OTOGL: variants seen among roughly 807,000 people sequenced by gnomAD.
OTOGL encodes otogelin-like protein.
Under a neutral mutation model 318.5 loss-of-function variants are expected in OTOGL, and 285 were observed. The observed-to-expected ratio is 0.89, with a 90% CI of 0.81 to 0.99. The LOEUF is 0.99. OTOGL is among the 50% of genes least tolerant of loss of function. The pLI is 0.00. For missense variants in OTOGL, 2,899 were observed against 2,845.6 expected (o/e 1.02, Z -0.43); for synonymous variants, 987 against 936.5 (o/e 1.05, Z -0.99).
chr12:80,204,539 T>G (rs1876680560), intron 1 of OTOGL, among the ~76,000 whole-genome samples: 1 of 152,124 alleles, frequency 6.6e-6, no homozygotes, highest in Non-Finnish European at 1.5e-5. Context: ...AAGTTGTAAT[T>G]AAGTTGAAAA....
chr12:80,171,295 G>C (rs1874190556), intron 1 of OTOGL, among the ~76,000 whole-genome samples: 1 of 152,020 alleles, frequency 6.6e-6, no homozygotes, highest in Non-Finnish European at 1.5e-5. Flanking sequence ...GCCCAGGCTG[G>C]TCTCAAACTC....
At chr12:80,179,594 CA>C (rs1874778038) in intron 1 of OTOGL, among the ~76,000 whole-genome samples, 1 of 152,108 alleles carries the variant, frequency 6.6e-6, no homozygotes, top group African/African-American at 2.4e-5. Flanking sequence ...AAGAGATTCC[CA>C]GGGTTCTTTA....
intron 26 of OTOGL, among the ~76,000 whole-genome samples, chr12:80,281,224 G>T (rs995621339): frequency 2.0e-4 from 31 of 151,634 alleles, no homozygotes; most frequent in African/African-American, 6.8e-4. Context: ...AGGACTTCCA[G>T]TACTATGTTG....
Position 80,318,595 on chromosome 12 carries a change from T to C in OTOGL, c.3684T>C (p.Leu1228=). The C allele has an allele frequency of 6.9e-7, 1 of 1,446,500 alleles. No individual in the cohort carries two copies. Among genetic ancestry groups the C allele is most frequent in the Non-Finnish European group, 9.1e-7 (1 of 1,100,754 alleles). The allele number at this position is 1,446,500 out of a possible 1,614,324, so 89.6% of individuals were successfully genotyped here. The stretch of plus-strand genomic sequence containing the variant: ...TGGCAAGCTATGGGCAGAGTGGCCT[T>C]GTTCTGGGGGCCAATATGACCAGCA... The part of the protein sequence containing the change: ...YMLASYGQSG[L]VLGANMTSRS... The change falls in exon 33 of 59, where the codon CTT becomes CTC. Residue 1228 remains leucine (L), a synonymous_variant. Coordinates refer to ENST00000547103, the MANE Select transcript of OTOGL (RefSeq NM_001378609.3).
At chr12:80,240,800 A>T (rs1441728183) in intron 11 of OTOGL, among the ~76,000 whole-genome samples, 1 of 152,110 alleles carries the variant, frequency 6.6e-6, no homozygotes, top group African/African-American at 2.4e-5. Flanking sequence ...AGGTGGTTGC[A>T]TAAGCAACAA....
At chr12:80,331,656 T>C (rs1375119849) in intron 37 of OTOGL, among the ~76,000 whole-genome samples, 1 of 152,072 alleles carries the variant, frequency 6.6e-6, no homozygotes, top group East Asian at 1.9e-4. Flanking sequence ...ATTAAAAGTT[T>C]TTAAAATGTC....
At position 80,271,760 on chromosome 12, in the gene OTOGL, C is replaced by T. The variant is rs1883427894; in HGVS notation, c.2631C>T (p.Phe877=). ...ETTCANLAMN[F]TCTPSSPCIS... ...CATGTGCAAACCTAGCCATGAACTT[C>T]ACCTGCACCCCATCCTCACCCTGTA... Residue 877 remains phenylalanine (F), a synonymous_variant, in exon 24 of 59, where the codon TTC becomes TTT. Transcript: ENST00000547103. 2 of 1,613,102 alleles carry T rather than the reference C, an allele frequency of 1.2e-6. No homozygotes were observed. Among genetic ancestry groups the T allele is most frequent in the African/African-American group, 1.3e-5 (1 of 74,852 alleles).
chr12:80,124,635 G>A (rs1344863161), intron 1 of OTOGL, among the ~76,000 whole-genome samples: 1 of 152,130 alleles, frequency 6.6e-6, no homozygotes, highest in Non-Finnish European at 1.5e-5. Flanking sequence ...GGGCAATACG[G>A]CCATTTTCAT....
intron 1 of OTOGL, among the ~76,000 whole-genome samples, chr12:80,144,602 C>G (rs893570942): frequency 7.2e-5 from 11 of 151,918 alleles, no homozygotes; most frequent in African/African-American, 2.4e-4. Flanking sequence ...AATGGTATTT[C>G]TAGTTCTAGA....
intron 32 of OTOGL, among the ~76,000 whole-genome samples, chr12:80,317,933 T>C (rs1483775234): frequency 6.6e-6 from 1 of 152,124 alleles, no homozygotes; most frequent in Non-Finnish European, 1.5e-5. Context: ...CTAGTGAAGC[T>C]CTTTTTCTCA....
intron 57 of OTOGL, 141 bp downstream of exon 57, chr12:80,372,205 TTTTTGTATCATATGGTTAATAA>T (rs1157081896): frequency 1.9e-6 from 1 of 519,992 alleles, no homozygotes; most frequent in African/African-American, 2.0e-5. Flanking sequence ...TATCGTATGT[TTTTTGTATCATATGGTTAATAA>T]TTTTGTAATT....
chr12:80,322,574 A>G (rs977595503), intron 34 of OTOGL, among the ~76,000 whole-genome samples: 3 of 152,174 alleles, frequency 2.0e-5, no homozygotes, highest in African/African-American at 7.2e-5. Flanking sequence ...TTTGGAATTG[A>G]ATTCTGTGTC....
chr12:80,229,380 T>A lies in OTOGL; in HGVS notation c.611+2T>A. 6.3e-7 allele frequency: 1 copy of A among 1,594,362 alleles called. No homozygotes were observed. Among genetic ancestry groups the A allele is most frequent in the Non-Finnish European group, 8.5e-7 (1 of 1,175,462 alleles). On this transcript the variant is annotated splice_donor_variant, in intron 8 of 58. Transcript: ENST00000547103. LOFTEE classifies it high-confidence loss of function. ...TGAAATAAAAAAGAATGGAATCAGG[T>A]AGGATATGGGAAACAGTGAAATGTC...
chr12:80,257,045 A>G (rs919334508), intron 17 of OTOGL, among the ~76,000 whole-genome samples: 5 of 152,054 alleles, frequency 3.3e-5, no homozygotes, highest in Admixed American at 6.6e-5. Context: ...TGTAGGAGGC[A>G]TTTTACATTG....
At chr12:80,225,216 A>G (rs1415962250) in intron 7 of OTOGL, among the ~76,000 whole-genome samples, 1 of 152,054 alleles carries the variant, frequency 6.6e-6, no homozygotes, top group East Asian at 1.9e-4. Context: ...TCCTGTTCTC[A>G]GTTCTCTCAT....
Position 80,380,278 on chromosome 12 carries a change from A to G in OTOGL, c.*2230A>G, listed in dbSNP as rs1227353980. The G allele has an allele frequency of 6.6e-6, 1 of 152,052 alleles. No homozygotes were observed. The highest frequency in any genetic ancestry group is 1.5e-5 in the Non-Finnish European group (1 of 67,934). 9.4% of individuals were successfully genotyped at this position (152,052 alleles called of 1,614,324 possible). ...CAAATAAATGATTCATAGATTTAAC[A>G]GTTAGAAAACTGAAAACAGACAAAT... is the stretch of plus-strand genomic sequence containing the variant. On this transcript the variant is annotated 3_prime_UTR_variant, in exon 59 of 59. Transcript: ENST00000547103.
chr12:80,278,935 C>A, intron 25 of OTOGL, 93 bp from the exon 26 acceptor site: 2 of 1,412,710 alleles, frequency 1.4e-6, no homozygotes, highest in Non-Finnish European at 2.0e-6. Context: ...CTCATGAATT[C>A]TCTTGAATAC....
chr12:80,284,788 C>A (rs1301111575), intron 26 of OTOGL, among the ~76,000 whole-genome samples: 1 of 152,074 alleles, frequency 6.6e-6, no homozygotes, highest in Non-Finnish European at 1.5e-5. Flanking sequence ...AGACCTTTGT[C>A]AGATGGATAG....
chr12:80,288,768 A>G (rs539302243), intron 26 of OTOGL, among the ~76,000 whole-genome samples: 179 of 151,914 alleles, frequency 1.2e-3, no homozygotes, highest in Non-Finnish European at 2.2e-3. Flanking sequence ...TCTTCTCTAA[A>G]CTGGTTATTT....
Sources: allele counts gnomAD v4.1 joint callset (sites outside exome capture counted in the v4.1 genomes callset), GRCh38; gene constraint gnomAD v4.1.1; transcripts MANE v1.5; gene names NCBI Gene and HGNC (gene_info 2026-07-23, HGNC 2026-07-21).